The following HEATR1 variants were observed in gnomAD, a reference collection of about 807,000 sequenced individuals.
HEATR1 encodes the protein HEAT repeat containing 1, also known as HEAT repeat-containing protein 1.
Under a neutral mutation model 248.2 loss-of-function variants are expected in HEATR1, and 77 were observed. The observed-to-expected ratio is 0.31, with a 90% CI of 0.26 to 0.37. The LOEUF (loss-of-function observed/expected upper bound fraction) is 0.37. Among genes scored for constraint, HEATR1 ranks in the 10% least tolerant of loss-of-function variants. HEATR1 has a pLI of 1.00. For synonymous variants in HEATR1, 897 were observed against 923.1 expected (o/e 0.97, Z 0.51); for missense variants, 2,420 against 2,504.9 (o/e 0.97, Z 0.72).
Position 236,566,888 on chromosome 1 carries a change from C to T in HEATR1, c.4078-12G>A, listed in dbSNP as rs772654092. The T allele has an allele frequency of 1.3e-6, 2 of 1,563,950 alleles. No individual in the cohort carries two copies. The highest frequency in any genetic ancestry group is 1.7e-5 in the Admixed American group (1 of 59,878). On this transcript the variant is annotated splice_polypyrimidine_tract_variant and intron_variant, in intron 29 of 44. Coordinates refer to ENST00000366582, the MANE Select transcript of HEATR1 (RefSeq NM_018072.6). ...TCTCCACTATCAGACTGCAAAACAGCAAGCAGAGACAATGAGTAGGTGCAA... is the reference window on the plus strand; with the variant it reads ...TCTCCACTATCAGACTGCAAAACAGTAAGCAGAGACAATGAGTAGGTGCAA...
rs113306686 is a variant in HEATR1 at position 236,562,364 on chromosome 1, A to C, written c.4600-1093T>G. 1.4e-3 allele frequency among the ~76,000 whole-genome samples: 211 copies of C among 152,304 alleles called. 1 individual carries two copies. The highest frequency in any genetic ancestry group is 4.7e-3 in the African/African-American group (194 of 41,568). ...ATCATGTTCTCCTTGATTTTCTTCT[A>C]AACATTTGAACTGTTGTTTTTTACA... is the stretch of plus-strand genomic sequence containing the variant. On this transcript the variant is annotated intron_variant, in intron 32 of 44. Transcript: ENST00000366582.
At chr1:236,582,150 G>T (rs1663766902) in intron 19 of HEATR1, among the ~76,000 whole-genome samples, 1 of 151,994 alleles carries the variant, frequency 6.6e-6, no homozygotes, top group Non-Finnish European at 1.5e-5. Context: ...TGTCGCCCAG[G>T]CTGGAGTGCA....
intron 4 of HEATR1, among the ~76,000 whole-genome samples, chr1:236,598,326 T>C (rs1490563889): frequency 2.0e-5 from 3 of 152,182 alleles, no homozygotes; most frequent in African/African-American, 4.8e-5. Context: ...TGTCATTGCT[T>C]TACAATAACA....
chr1:236,578,525 C>G (rs1275929713), intron 20 of HEATR1, among the ~76,000 whole-genome samples: 1 of 152,164 alleles, frequency 6.6e-6, no homozygotes, highest in African/African-American at 2.4e-5. Context: ...TTGGCTAATG[C>G]CTTTTCAAAT....
intron 4 of HEATR1, 21 bp downstream of exon 4, chr1:236,599,460 CAT>C (rs779030517): frequency 1.2e-6 from 2 of 1,601,590 alleles, no homozygotes; most frequent in South Asian, 2.2e-5. Flanking sequence ...TGATTACAGA[CAT>C]ATGTCATTCA....
At chr1:236,577,931 C>G (rs1663608286) in intron 20 of HEATR1, among the ~76,000 whole-genome samples, 1 of 152,184 alleles carries the variant, frequency 6.6e-6, no homozygotes, top group Admixed American at 6.5e-5. Flanking sequence ...CAGCCTTGTA[C>G]AAGCGTGCAC....
At chr1:236,586,113 T>G (rs1298958280) in intron 15 of HEATR1, 128 bp downstream of exon 15, 1 of 1,234,112 alleles carries the variant, frequency 8.1e-7, no homozygotes, top group Non-Finnish European at 1.1e-6. Flanking sequence ...TGTATACTTT[T>G]TATCTTGGCA....
intron 32 of HEATR1, among the ~76,000 whole-genome samples, chr1:236,563,476 G>GT (rs1185636756): frequency 6.6e-6 from 1 of 152,026 alleles, no homozygotes; most frequent in Non-Finnish European, 1.5e-5. Flanking sequence ...TAGAGACCAT[G>GT]TTAGCCAGGA....
chr1:236,571,976 T>G (rs1398338203), intron 26 of HEATR1, among the ~76,000 whole-genome samples: 1 of 152,114 alleles, frequency 6.6e-6, no homozygotes, highest in East Asian at 1.9e-4. Flanking sequence ...GCCTTTCACA[T>G]GAAAGCACAC....
rs1558185030 is a variant in HEATR1, at chr1:236,576,809, T to A, written c.2896A>T (p.Ile966Phe). The change falls in exon 21 of 45, where the codon ATC becomes TTC. Residue 966 changes from isoleucine to phenylalanine, a missense_variant. By Grantham distance (21) the Ile-to-Phe change is conservative. Transcript: ENST00000366582. ...ATAACATAGGCAGCATCTGAAGTGATCTCCTCTGCTTTAGAAATCAAATGA... is the reference window on the plus strand; with the variant it reads ...ATAACATAGGCAGCATCTGAAGTGAACTCCTCTGCTTTAGAAATCAAATGA... ...IDHLISKAEE[I>F]TSDAAYVIQD... is the part of the protein sequence containing the mutation. 1.9e-6 allele frequency: 3 copies of A among 1,613,662 alleles called. No homozygotes were observed. The highest frequency in any genetic ancestry group is 2.2e-5 in the South Asian group (2 of 90,932).
intron 25 of HEATR1, 38 bp downstream of exon 25, chr1:236,572,687 G>GAAC (rs1480969033): frequency 1.6e-5 from 25 of 1,598,416 alleles, no homozygotes; most frequent in Non-Finnish European, 2.1e-5. Context: ...CAGAGTCAGG[G>GAAC]AACAACAGCA....
At chr1:236,570,791 G>A (rs1572039378) in intron 28 of HEATR1, among the ~76,000 whole-genome samples, 1 of 152,016 alleles carries the variant, frequency 6.6e-6, no homozygotes, top group East Asian at 1.9e-4. Flanking sequence ...TATGATTTCA[G>A]TAGATTAAGA....
At chr1:236,573,594 C>T (rs1252220403) in intron 24 of HEATR1, among the ~76,000 whole-genome samples, 1 of 151,576 alleles carries the variant, frequency 6.6e-6, no homozygotes, top group East Asian at 1.9e-4. Flanking sequence ...AAGATGCACA[C>T]TGAAGTACAG....
At chr1:236,557,433 A>G (rs3754246) in intron 36 of HEATR1, 88 bp from the exon 37 acceptor site, 1 of 1,379,240 alleles carries the variant, frequency 7.3e-7, no homozygotes. Flanking sequence ...AAAAACCAGC[A>G]AACTGTGCCT....
Position 236,583,013 on chromosome 1 carries a change from CT to C in HEATR1, c.2424del (p.Gly809ValfsTer10). The C allele has an allele frequency of 6.2e-7, 1 of 1,613,476 alleles. No individual in the cohort carries two copies. Among genetic ancestry groups the C allele is most frequent in the Non-Finnish European group, 8.5e-7 (1 of 1,179,690 alleles). ...YALKAPKSFP[K>X]GDIWWNPEQL... The stretch of plus-strand genomic sequence containing the variant: ...AAAAGATTCACAGCTTGTATCTTAC[CT>C]TTAGGAAAAGATTTAGGAGCTTTCA... On this transcript the variant is annotated frameshift_variant and splice_region_variant, in exon 18 of 45. Coordinates refer to ENST00000366582, the MANE Select transcript of HEATR1 (RefSeq NM_018072.6). LOFTEE classifies it high-confidence loss of function.
intron 3 of HEATR1, among the ~76,000 whole-genome samples, chr1:236,600,038 G>C (rs867065168): frequency 6.6e-5 from 10 of 151,148 alleles, no homozygotes; most frequent in African/African-American, 2.4e-4. Flanking sequence ...GACCACAGGG[G>C]AGCACCATCA....
In HEATR1 at chr1:236,558,432, G is replaced by A. The variant is rs201522356; in HGVS notation, c.5009C>T (p.Ala1670Val). 25 of 1,614,066 alleles carry A rather than the reference G, an allele frequency of 1.5e-5. No individual in the cohort carries two copies. Among genetic ancestry groups the A allele is most frequent in the Middle Eastern group, 1.6e-4 (1 of 6,062 alleles). Residue 1670 changes from alanine to valine, a missense_variant, in exon 36 of 45, where the codon GCG becomes GTG. Ala to Val is a moderately conservative substitution (Grantham distance 64). Coordinates refer to ENST00000366582, the MANE Select transcript of HEATR1 (RefSeq NM_018072.6). The part of the protein sequence containing the change: ...EEEQAINRQT[A>V]LYTLKLLCKN... The stretch of plus-strand genomic sequence containing the variant: ...GCATAAAAGCTTTAAGGTATACAAC[G>A]CTGTCTGTCTGTTGATTGCTTGTTC...
At chr1:236,553,761 CTT>C in intron 42 of HEATR1, 22 bp from the exon 43 acceptor site, 1 of 1,585,142 alleles carries the variant, frequency 6.3e-7, no homozygotes. Flanking sequence ...AAGACAAAGA[CTT>C]TGAACAACAA....
chr1:236,576,118 C>A, intron 22 of HEATR1, 101 bp downstream of exon 22: 1 of 862,900 alleles, frequency 1.2e-6, no homozygotes, highest in Non-Finnish European at 1.7e-6. Flanking sequence ...CTTCTGAGCG[C>A]ACACATGCAA....
Sources: allele counts gnomAD v4.1 joint callset (sites outside exome capture counted in the v4.1 genomes callset), GRCh38; gene constraint gnomAD v4.1.1; transcripts MANE v1.5; gene names NCBI Gene and HGNC (gene_info 2026-07-23, HGNC 2026-07-21).